Variants in CACNA2D1 observed in about 807,000 individuals in gnomAD.
CACNA2D1 encodes voltage-dependent calcium channel subunit alpha-2/delta-1.
A neutral mutation model predicts 171.5 loss-of-function variants in CACNA2D1; 53 were observed. The observed-to-expected ratio is 0.31, with a 90% CI of 0.25 to 0.39. The LOEUF is 0.39. Ranked by LOEUF, CACNA2D1 falls within the 10% of genes least tolerant of loss-of-function variation. The probability of loss-of-function intolerance (pLI) is 1.00; values close to 1 mark genes in which losing one functional copy is unlikely to be tolerated. For synonymous variants in CACNA2D1, 442 were observed against 443.1 expected (o/e 1.00, Z 0.03); for missense variants, 903 against 1,299.8 (o/e 0.69, Z 4.69).
chr7:81,964,392 A>G, intron 32 of CACNA2D1, 33 bp from the exon 33 acceptor site: 2 of 1,593,424 alleles, frequency 1.3e-6, no homozygotes, highest in Non-Finnish European at 1.7e-6. Context: ...AGCAACGTGC[A>G]CTTAAAATGT....
In CACNA2D1 at chr7:82,084,100, T is replaced by C. The variant is rs118014252; in HGVS notation, c.658+669A>G. On this transcript the variant is annotated intron_variant, in intron 7 of 38. Coordinates refer to ENST00000356860, the MANE Select transcript of CACNA2D1 (RefSeq NM_000722.4). Reference sequence around the variant, plus strand: ...GACATTTCACTTAAAGTGTTTTCAATAGGTTTTCAGGATGTCCTAGGAATT... The same window carrying C: ...GACATTTCACTTAAAGTGTTTTCAACAGGTTTTCAGGATGTCCTAGGAATT... Among the ~76,000 whole-genome samples, 255 of 152,324 alleles carry C rather than the reference T, an allele frequency of 1.7e-3. 3 individuals are homozygous for C. The East Asian group carries it at 0.019, about 11-fold the overall frequency.
chr7:82,252,046 T>C (rs1198089980), intron 3 of CACNA2D1, among the ~76,000 whole-genome samples: 2 of 152,244 alleles, frequency 1.3e-5, no homozygotes, highest in Non-Finnish European at 2.9e-5. Context: ...TCATTTACTA[T>C]ATTTTATTTA....
intron 10 of CACNA2D1, among the ~76,000 whole-genome samples, chr7:82,053,081 T>C (rs1300320508): frequency 6.6e-6 from 1 of 151,930 alleles, no homozygotes; most frequent in Non-Finnish European, 1.5e-5. Context: ...TGAAACCCCG[T>C]CTCTACTAAA....
intron 3 of CACNA2D1, among the ~76,000 whole-genome samples, chr7:82,179,145 A>G (rs1419668888): frequency 6.6e-6 from 1 of 152,134 alleles, no homozygotes; most frequent in Non-Finnish European, 1.5e-5. Context: ...AAAGTAGTAG[A>G]ATATGGCTAG....
intron 1 of CACNA2D1, among the ~76,000 whole-genome samples, chr7:82,409,064 C>T (rs1166834095): frequency 6.6e-6 from 1 of 151,832 alleles, no homozygotes; most frequent in Non-Finnish European, 1.5e-5. Context: ...TTGTACCTAG[C>T]TGTGAGGCAC....
chr7:82,102,502 A>G (rs1282041697), intron 6 of CACNA2D1, among the ~76,000 whole-genome samples: 1 of 151,584 alleles, frequency 6.6e-6, no homozygotes, highest in East Asian at 1.9e-4. Flanking sequence ...ACACACACGC[A>G]CACACACATA....
chr7:82,081,478 A>C (rs1809765225), intron 7 of CACNA2D1, among the ~76,000 whole-genome samples: 1 of 152,214 alleles, frequency 6.6e-6, no homozygotes, highest in East Asian at 1.9e-4. Flanking sequence ...CAGATTCACT[A>C]AACTAAAATC....
At chr7:82,083,491 T>C (rs763550844) in intron 7 of CACNA2D1, among the ~76,000 whole-genome samples, 11 of 151,932 alleles carry the variant, frequency 7.2e-5, no homozygotes, top group Non-Finnish European at 1.6e-4. Context: ...ATTTAACATG[T>C]TAATAAACTA....
chr7:82,219,963 C>T (rs1801567719), intron 3 of CACNA2D1, among the ~76,000 whole-genome samples: 1 of 152,008 alleles, frequency 6.6e-6, no homozygotes, highest in Admixed American at 6.6e-5. Context: ...TATTATTTCC[C>T]TTTTGCATGA....
chr7:82,335,810 A>AT (rs1010403900), intron 2 of CACNA2D1, among the ~76,000 whole-genome samples: 2 of 152,116 alleles, frequency 1.3e-5, no homozygotes, highest in East Asian at 1.9e-4. Context: ...GTAATGGAGT[A>AT]TTTTTTTTAA....
intron 7 of CACNA2D1, among the ~76,000 whole-genome samples, chr7:82,069,405 C>T (rs1808046563): frequency 6.6e-6 from 1 of 152,124 alleles, no homozygotes; most frequent in Admixed American, 6.6e-5. Context: ...AATGACAGTT[C>T]ACAATGTAGA....
intron 1 of CACNA2D1, among the ~76,000 whole-genome samples, chr7:82,426,581 T>C (rs540426292): frequency 2.4e-4 from 37 of 152,280 alleles, no homozygotes; most frequent in African/African-American, 8.4e-4. Flanking sequence ...GAAAAAAAAG[T>C]GCCATTCTAT....
intron 3 of CACNA2D1, among the ~76,000 whole-genome samples, chr7:82,196,411 G>C (rs74548741): frequency 0.016 from 2,429 of 152,166 alleles, 68 homozygotes; most frequent in African/African-American, 0.05. Context: ...GGACACACCT[G>C]AGGTGGGGAT....
intron 3 of CACNA2D1, among the ~76,000 whole-genome samples, chr7:82,269,751 G>A (rs1031452855): frequency 6.6e-6 from 1 of 152,090 alleles, no homozygotes; most frequent in African/African-American, 2.4e-5. Flanking sequence ...GCAACACCAG[G>A]AAGAAAGTGG....
intron 12 of CACNA2D1, among the ~76,000 whole-genome samples, chr7:82,015,895 T>C (rs1800384069): frequency 1.3e-5 from 2 of 152,176 alleles, no homozygotes; most frequent in African/African-American, 4.8e-5. Context: ...ATCAGGGATG[T>C]TGCTATTTCA....
chr7:82,058,270 CTATTTA>C (rs1423687466), intron 10 of CACNA2D1, among the ~76,000 whole-genome samples: 1 of 152,154 alleles, frequency 6.6e-6, no homozygotes, highest in African/African-American at 2.4e-5. Context: ...CCCAAATACA[CTATTTA>C]TATTTGAATC....
chr7:82,380,797 C>A (rs1487656555), intron 1 of CACNA2D1, among the ~76,000 whole-genome samples: 1 of 151,916 alleles, frequency 6.6e-6, no homozygotes, highest in Non-Finnish European at 1.5e-5. Flanking sequence ...CAGGTTCAAG[C>A]GATTTTCATG....
chr7:82,074,872 A>AT (rs200128813), intron 7 of CACNA2D1, among the ~76,000 whole-genome samples: 2 of 151,536 alleles, frequency 1.3e-5, no homozygotes, highest in East Asian at 3.9e-4. Context: ...TATTTCCAGA[A>AT]TTTTTTTTTA....
At chr7:82,248,524 T>A (rs1245604103) in intron 3 of CACNA2D1, among the ~76,000 whole-genome samples, 1 of 152,230 alleles carries the variant, frequency 6.6e-6, no homozygotes, top group Non-Finnish European at 1.5e-5. Context: ...AAGAGTTTTC[T>A]TATTCATAGG....
Sources: allele counts gnomAD v4.1 joint callset (sites outside exome capture counted in the v4.1 genomes callset), GRCh38; gene constraint gnomAD v4.1.1; transcripts MANE v1.5; gene names NCBI Gene and HGNC (gene_info 2026-07-23, HGNC 2026-07-21).